The following TBC1D2B variants were observed in gnomAD, a reference collection of about 807,000 sequenced individuals.
TBC1D2B encodes the protein TBC1 domain family, member 2B.
In TBC1D2B, 64 loss-of-function variants were observed where a neutral mutation model predicts 100.8. The observed-to-expected ratio is 0.64, with a 90% CI of 0.52 to 0.78. TBC1D2B has a LOEUF of 0.78. Among genes scored for constraint, TBC1D2B ranks in the 30% least tolerant of loss-of-function variants. TBC1D2B has a pLI of 0.00. For synonymous variants in TBC1D2B, 480 were observed against 479.7 expected, an observed-to-expected ratio of 1.00 and a Z score of -0.01; for missense variants, 1,052 against 1,218.4, an observed-to-expected ratio of 0.86 and a Z score of 2.03.
intron 4 of TBC1D2B, among the ~76,000 whole-genome samples, chr15:78,027,974 C>T (rs1340266090): frequency 6.6e-6 from 1 of 151,984 alleles, no homozygotes; most frequent in East Asian, 1.9e-4. Flanking sequence ...GGTAAGCTCC[C>T]TCTCACAGCA....
At chr15:78,069,410 C>G (rs751549654) in intron 1 of TBC1D2B, among the ~76,000 whole-genome samples, 1 of 152,230 alleles carries the variant, frequency 6.6e-6, no homozygotes, top group Non-Finnish European at 1.5e-5. Flanking sequence ...AAGATAGGTT[C>G]AGCTTTGCAT....
chr15:78,011,194 C>A (rs2072213528), intron 9 of TBC1D2B, among the ~76,000 whole-genome samples: 2 of 152,214 alleles, frequency 1.3e-5, no homozygotes, highest in African/African-American at 4.8e-5. Context: ...GCCCTATCCT[C>A]ACCACCACAG....
intron 1 of TBC1D2B, among the ~76,000 whole-genome samples, chr15:78,067,209 A>G (rs1215959551): frequency 2.0e-5 from 3 of 152,174 alleles, no homozygotes; most frequent in African/African-American, 7.2e-5. Flanking sequence ...TGTATCACAC[A>G]TGGGAAGGGG....
At chr15:78,035,531 C>T (rs1430210802) in intron 3 of TBC1D2B, among the ~76,000 whole-genome samples, 4 of 152,226 alleles carry the variant, frequency 2.6e-5, no homozygotes, top group African/African-American at 9.6e-5. Flanking sequence ...CAGGCTACCA[C>T]TGCTTCCAGC....
At chr15:78,069,388 A>C (rs1294640010) in intron 1 of TBC1D2B, among the ~76,000 whole-genome samples, 3 of 152,202 alleles carry the variant, frequency 2.0e-5, no homozygotes. Flanking sequence ...CAAAATTAAG[A>C]AGCAACTGCT....
At chr15:78,005,741 A>G (rs1353342450) in intron 10 of TBC1D2B, among the ~76,000 whole-genome samples, 1 of 152,224 alleles carries the variant, frequency 6.6e-6, no homozygotes, top group African/African-American at 2.4e-5. Flanking sequence ...AGTTGGTAGA[A>G]TAACAGGCAA....
intron 1 of TBC1D2B, chr15:78,066,089 G>C (rs1468706379): frequency 2.1e-6 from 1 of 470,894 alleles, no homozygotes; most frequent in African/African-American, 2.0e-5. Context: ...GATGCCAAGT[G>C]AACACTGTTC....
At position 78,024,459 on chromosome 15, in the gene TBC1D2B, C is replaced by T; in HGVS notation, c.1167G>A (p.Gly389=). The change falls in exon 6 of 13, where the codon GGG becomes GGA. Residue 389 remains glycine (G), a synonymous_variant. Coordinates refer to ENST00000300584, the MANE Select transcript of TBC1D2B (RefSeq NM_144572.2). ...KYFTSSRLCE[G]VPKDTLELLH... is the part of the protein sequence containing the mutation. ...GAAGCTCGAGCGTGTCCTTTGGGAC[C>T]CCCTCACAGAGCCGGCTGCTTGTGA... The T allele has an allele frequency of 6.2e-7, 1 of 1,613,982 alleles. No homozygotes were observed. The highest frequency in any genetic ancestry group is 8.5e-7 in the Non-Finnish European group (1 of 1,179,896).
intron 3 of TBC1D2B, among the ~76,000 whole-genome samples, chr15:78,044,035 A>AC (rs1416391854): frequency 2.6e-5 from 4 of 151,354 alleles, no homozygotes; most frequent in Non-Finnish European, 5.9e-5. Flanking sequence ...AAAAAAAAAA[A>AC]AAAAACCCAC....
intron 1 of TBC1D2B, among the ~76,000 whole-genome samples, chr15:78,056,006 G>A (rs1043286731): frequency 2.6e-5 from 4 of 152,188 alleles, no homozygotes; most frequent in African/African-American, 9.7e-5. Context: ...ACCTGCCATA[G>A]GCAGGTTCAA....
At chr15:78,051,276 T>C (rs2073307974) in intron 2 of TBC1D2B, among the ~76,000 whole-genome samples, 1 of 152,216 alleles carries the variant, frequency 6.6e-6, no homozygotes, top group South Asian at 2.1e-4. Flanking sequence ...ATGTATACAA[T>C]ATATATGTGT....
Position 78,001,888 on chromosome 15 carries a change from G to A in TBC1D2B, c.2575-148C>T, listed in dbSNP as rs148289502. On this transcript the variant is annotated intron_variant, in intron 11 of 12. Transcript: ENST00000300584. ...CTGGGGAAAGACTATTGACCTGAGG[G>A]GCAATTTTCACTGGCTAGGCCAAGA... 148 of 857,454 alleles carry A rather than the reference G, an allele frequency of 1.7e-4. 1 individual carries two copies. The African/African-American group carries it at 2.3e-3, about 13-fold the overall frequency. The allele number at this position is 857,454 out of a possible 1,614,324, so 53.1% of individuals were successfully genotyped here. A position where few individuals can be genotyped will look rare whatever the true frequency, so the allele number is the denominator to read the frequency against.
At chr15:78,064,451 A>G (rs193079879) in intron 1 of TBC1D2B, among the ~76,000 whole-genome samples, 100 of 152,342 alleles carry the variant, frequency 6.6e-4, no homozygotes, top group African/African-American at 2.1e-3. Flanking sequence ...TTTAAATTAC[A>G]TGGATAATTT....
chr15:78,049,331 A>C (rs1046410862), intron 2 of TBC1D2B, among the ~76,000 whole-genome samples: 2 of 152,222 alleles, frequency 1.3e-5, no homozygotes, highest in Non-Finnish European at 2.9e-5. Flanking sequence ...CCTAGCATAG[A>C]GGAGTGACTT....
At chr15:78,035,506 T>A (rs1417390535) in intron 3 of TBC1D2B, among the ~76,000 whole-genome samples, 1 of 152,194 alleles carries the variant, frequency 6.6e-6, no homozygotes, top group African/African-American at 2.4e-5. Flanking sequence ...CAGGACTTTG[T>A]GCACAGGAGG....
chr15:78,063,457 T>C (rs1014939517), intron 1 of TBC1D2B, among the ~76,000 whole-genome samples: 2 of 152,232 alleles, frequency 1.3e-5, no homozygotes, highest in Admixed American at 6.5e-5. Flanking sequence ...AATATTGAAA[T>C]GCTGATGGCC....
chr15:78,022,448 T>C (rs1055187246), intron 6 of TBC1D2B, among the ~76,000 whole-genome samples: 1 of 152,232 alleles, frequency 6.6e-6, no homozygotes, highest in African/African-American at 2.4e-5. Context: ...TTTAGGGTCA[T>C]GTATATTCAA....
intron 1 of TBC1D2B, among the ~76,000 whole-genome samples, chr15:78,056,204 G>T (rs1016795886): frequency 6.6e-6 from 1 of 152,206 alleles, no homozygotes; most frequent in Admixed American, 6.5e-5. Flanking sequence ...TCTTAAAGGG[G>T]AAGCAGGCAG....
Position 78,013,296 on chromosome 15 carries a change from G to A in TBC1D2B, c.1797C>T (p.Phe599=), listed in dbSNP as rs1392358476. The part of the protein sequence containing the change: ...HLVSEYDIYG[F]RTVPEDDEEE... ...CCTCATCATCCTCAGGTACAGTCCT[G>A]AACCCATAAATATCATATTCACTGT... The change falls in exon 9 of 13, where the codon TTC becomes TTT. Residue 599 remains phenylalanine (F), a synonymous_variant. Transcript: ENST00000300584. 6.2e-7 allele frequency: 1 copy of A among 1,609,244 alleles called. No homozygotes were observed.
Sources: allele counts gnomAD v4.1 joint callset (sites outside exome capture counted in the v4.1 genomes callset), GRCh38; gene constraint gnomAD v4.1.1; transcripts MANE v1.5; gene names NCBI Gene and HGNC (gene_info 2026-07-23, HGNC 2026-07-21).